The following ALOX5AP variants were observed in gnomAD, a reference collection of about 807,000 sequenced individuals.
ALOX5AP encodes arachidonate 5-lipoxygenase activating protein.
ALOX5AP carries 9 observed loss-of-function variants against 18.5 expected under a neutral mutation model. The ratio of observed to expected loss-of-function variants is 0.49; its 90% CI spans 0.29 to 0.85. The LOEUF (loss-of-function observed/expected upper bound fraction) is 0.85, where lower values mean the gene tolerates loss of function less well. Among genes scored for constraint, ALOX5AP ranks in the 40% least tolerant of loss-of-function variants. ALOX5AP has a pLI of 0.08. For synonymous variants in ALOX5AP, 81 were observed against 78.6 expected (o/e 1.03, Z -0.16); for missense variants, 172 against 202.5 (o/e 0.85, Z 0.91).
chr13:30,747,971 G>C (rs1218478199), intron 2 of ALOX5AP, among the ~76,000 whole-genome samples: 1 of 151,878 alleles, frequency 6.6e-6, no homozygotes, highest in Non-Finnish European at 1.5e-5. Context: ...CCAGGCTGGA[G>C]TGCAGTGGTG....
chr13:30,713,491 G>A, exon 1 of ALOX5AP: 1 of 496,936 alleles, frequency 2.0e-6, no homozygotes, highest in South Asian at 2.7e-5. Context: ...TATTATCTGG[G>A]CATTTGGAGG....
intron 1 of ALOX5AP, among the ~76,000 whole-genome samples, chr13:30,722,817 G>T (rs1490496985): frequency 1.3e-5 from 2 of 152,188 alleles, no homozygotes; most frequent in African/African-American, 4.8e-5. Context: ...ATTGTTAAAA[G>T]AGCTTGGATC....
intron 1 of ALOX5AP, among the ~76,000 whole-genome samples, chr13:30,722,719 G>A (rs1017987244): frequency 2.0e-5 from 3 of 152,236 alleles, no homozygotes; most frequent in African/African-American, 7.2e-5. Flanking sequence ...GGCCTAGTAG[G>A]AGGTGTTTTG....
chr13:30,738,124 C>T (rs1003616641), intron 1 of ALOX5AP, among the ~76,000 whole-genome samples: 3 of 152,186 alleles, frequency 2.0e-5, no homozygotes, highest in African/African-American at 7.2e-5. Flanking sequence ...CAGTCTGTGT[C>T]CCAAGACAAG....
chr13:30,744,050 C>T lies in ALOX5AP; in HGVS notation c.71-10C>T, dbSNP rs201495068. ...ACAATGAACCAGATGCAAACCTTTTCCCTTGGCAGGATTCTTTGCCCATAA... is the reference window on the plus strand; with the variant it reads ...ACAATGAACCAGATGCAAACCTTTTTCCTTGGCAGGATTCTTTGCCCATAA... On this transcript the variant is annotated splice_polypyrimidine_tract_variant and intron_variant, in intron 1 of 4. Transcript: ENST00000380490. 6.2e-7 allele frequency: 1 copy of T among 1,612,106 alleles called. No individual in the cohort carries two copies. Among genetic ancestry groups the T allele is most frequent in the Admixed American group, 1.7e-5 (1 of 60,000 alleles).
intron 1 of ALOX5AP, among the ~76,000 whole-genome samples, chr13:30,726,945 C>T (rs921424666): frequency 8.6e-5 from 13 of 151,900 alleles, no homozygotes; most frequent in South Asian, 2.1e-4. Flanking sequence ...AAAGGGAATG[C>T]GACTTAGTTA....
intron 4 of ALOX5AP, among the ~76,000 whole-genome samples, chr13:30,758,206 C>A (rs1208505856): frequency 1.3e-5 from 2 of 152,188 alleles, no homozygotes; most frequent in Non-Finnish European, 2.9e-5. Context: ...TAGATGCAAG[C>A]CAGAGGGGCT....
At chr13:30,759,723 G>A (rs566469246) in intron 4 of ALOX5AP, among the ~76,000 whole-genome samples, 1 of 152,302 alleles carries the variant, frequency 6.6e-6, no homozygotes. Flanking sequence ...ACCAGAGTTT[G>A]AGGAGAAACA....
chr13:30,745,229 T>C (rs1951800079), intron 2 of ALOX5AP, among the ~76,000 whole-genome samples: 1 of 152,196 alleles, frequency 6.6e-6, no homozygotes, highest in Admixed American at 6.5e-5. Flanking sequence ...TCTAGGTATT[T>C]TTAATTGTTT....
At chr13:30,762,648 C>A (rs1951951764) in intron 4 of ALOX5AP, among the ~76,000 whole-genome samples, 3 of 152,032 alleles carry the variant, frequency 2.0e-5, no homozygotes, top group East Asian at 1.9e-4. Flanking sequence ...ATATGGGGTG[C>A]CTTTCAAATT....
intron 1 of ALOX5AP, among the ~76,000 whole-genome samples, chr13:30,736,107 G>A (rs1244591119): frequency 6.6e-6 from 1 of 152,174 alleles, no homozygotes; most frequent in Non-Finnish European, 1.5e-5. Flanking sequence ...GTCATCTGCA[G>A]TCTAAAAAGA....
chr13:30,736,046 T>G (rs867359097), intron 1 of ALOX5AP, among the ~76,000 whole-genome samples: 1 of 152,304 alleles, frequency 6.6e-6, no homozygotes, highest in Middle Eastern at 3.4e-3. Context: ...ATATACACAT[T>G]TACTCAGATA....
At chr13:30,750,194 C>T (rs1951841447) in intron 2 of ALOX5AP, among the ~76,000 whole-genome samples, 1 of 152,144 alleles carries the variant, frequency 6.6e-6, no homozygotes, top group Admixed American at 6.6e-5. Context: ...AGAACTGCCA[C>T]CTTCGACCAT....
chr13:30,763,067 G>A (rs187290527), intron 4 of ALOX5AP, among the ~76,000 whole-genome samples: 7 of 152,332 alleles, frequency 4.6e-5, no homozygotes, highest in African/African-American at 1.7e-4. Flanking sequence ...CAGCACTTTG[G>A]GAGGCCGAGG....
At chr13:30,734,388 C>T (rs571578488), upstream of ALOX5AP, among the ~76,000 whole-genome samples, 1 of 152,188 alleles carries the variant, frequency 6.6e-6, no homozygotes, top group African/African-American at 2.4e-5. Context: ...GAGATGCAGC[C>T]CTCCCTGCTG....
At chr13:30,735,163 A>G (rs1951710483), upstream of ALOX5AP, among the ~76,000 whole-genome samples, 1 of 151,914 alleles carries the variant, frequency 6.6e-6, no homozygotes, top group Admixed American at 6.5e-5. Context: ...GGTTTATGCC[A>G]CTCTGTCTGA....
intron 1 of ALOX5AP, among the ~76,000 whole-genome samples, chr13:30,726,289 A>G (rs1192210075): frequency 6.6e-6 from 1 of 152,202 alleles, no homozygotes; most frequent in Non-Finnish European, 1.5e-5. Context: ...TTGGACTGCC[A>G]CTTCACAATG....
intron 1 of ALOX5AP, among the ~76,000 whole-genome samples, chr13:30,718,131 G>T (rs1951564338): frequency 6.6e-6 from 1 of 151,632 alleles, no homozygotes; most frequent in South Asian, 2.1e-4. Context: ...GGCTAATTTT[G>T]TATTTTTAAT....
At chr13:30,735,465 A>T, upstream of ALOX5AP, 1 of 1,371,336 alleles carries the variant, frequency 7.3e-7, no homozygotes. Flanking sequence ...AAAAAGGAAG[A>T]AGAAGGCACT....
Sources: gnomAD v4.1 joint callset for allele counts (sites outside exome capture counted in the v4.1 genomes callset) on GRCh38, gnomAD v4.1.1 for gene constraint, MANE v1.5 for transcripts, NCBI Gene and HGNC (gene_info 2026-07-23, HGNC 2026-07-21) for gene names.